Variants in ZMAT4 observed in about 807,000 individuals in gnomAD.
ZMAT4 encodes zinc finger matrin-type protein 4.
In ZMAT4, 17 loss-of-function variants were observed where a neutral mutation model predicts 28.7. The ratio of observed to expected loss-of-function variants is 0.59; its 90% CI spans 0.41 to 0.89. ZMAT4 has a LOEUF of 0.89. ZMAT4 is among the 40% of genes least tolerant of loss of function. The probability of loss-of-function intolerance (pLI) is 0.00; values close to 1 mark genes in which losing one functional copy is unlikely to be tolerated. For missense variants in ZMAT4, 240 were observed against 283.8 expected (o/e 0.85, Z 1.11); for synonymous variants, 117 against 109.2 (o/e 1.07, Z -0.44).
chr8:40,820,189 C>T (rs1586109954), intron 2 of ZMAT4, among the ~76,000 whole-genome samples: 3 of 133,788 alleles, frequency 2.2e-5, no homozygotes, highest in Non-Finnish European at 4.9e-5. Context: ...TGTGTGTGGG[C>T]GGGTGTGTAT....
At chr8:40,719,092 C>G (rs1484980936) in intron 3 of ZMAT4, among the ~76,000 whole-genome samples, 3 of 152,122 alleles carry the variant, frequency 2.0e-5, no homozygotes, top group African/African-American at 7.2e-5. Flanking sequence ...TGCATTACCC[C>G]AAACTGATGT....
intron 3 of ZMAT4, among the ~76,000 whole-genome samples, chr8:40,718,637 C>T (rs1481030015): frequency 6.6e-6 from 1 of 152,144 alleles, no homozygotes; most frequent in Non-Finnish European, 1.5e-5. Context: ...GCACAATTAC[C>T]TGCTCACCCA....
intron 3 of ZMAT4, among the ~76,000 whole-genome samples, chr8:40,726,522 G>C (rs1303904332): frequency 6.6e-6 from 1 of 152,164 alleles, no homozygotes; most frequent in Non-Finnish European, 1.5e-5. Context: ...AGGGAAAGTG[G>C]AGCCAGGTAA....
chr8:40,546,079 C>G (rs1421680724), intron 6 of ZMAT4, among the ~76,000 whole-genome samples: 1 of 151,930 alleles, frequency 6.6e-6, no homozygotes, highest in Non-Finnish European at 1.5e-5. Context: ...CTCTCCTTCA[C>G]ACAGCCCACA....
intron 1 of ZMAT4, among the ~76,000 whole-genome samples, chr8:40,895,199 G>A (rs757377266): frequency 5.3e-5 from 8 of 152,298 alleles, no homozygotes; most frequent in South Asian, 2.1e-4. Context: ...AGGAGAAAAC[G>A]CTGGGTCTGT....
intron 2 of ZMAT4, among the ~76,000 whole-genome samples, chr8:40,813,763 A>G (rs937425862): frequency 1.3e-5 from 2 of 152,232 alleles, no homozygotes; most frequent in Non-Finnish European, 2.9e-5. Flanking sequence ...AAAAACATCA[A>G]TGGGAAGGAT....
chr8:40,759,281 CAAAAAAAA>C (rs55670597), intron 3 of ZMAT4, among the ~76,000 whole-genome samples: 2 of 101,286 alleles, frequency 2.0e-5, no homozygotes, highest in Non-Finnish European at 4.1e-5. Context: ...GACTCCATCT[CAAAAAAAA>C]AAAAAAAAAA....
intron 2 of ZMAT4, among the ~76,000 whole-genome samples, chr8:40,790,880 G>T (rs969546732): frequency 1.3e-5 from 2 of 152,146 alleles, no homozygotes; most frequent in Non-Finnish European, 2.9e-5. Flanking sequence ...CCTGCTTCAA[G>T]ATTATCAAAA....
intron 1 of ZMAT4, among the ~76,000 whole-genome samples, chr8:40,850,339 C>T (rs977915371): frequency 6.6e-6 from 1 of 152,148 alleles, no homozygotes. Context: ...GCCTTCCCCT[C>T]ATCGACTGTG....
chr8:40,652,435 AG>A (rs1202257336), intron 5 of ZMAT4, among the ~76,000 whole-genome samples: 2 of 86,182 alleles, frequency 2.3e-5, no homozygotes, highest in Non-Finnish European at 2.5e-5. Flanking sequence ...AGGAAACAAC[AG>A]GTGCTGGAGA....
At chr8:40,652,642 A>T in intron 5 of ZMAT4, among the ~76,000 whole-genome samples, 1 of 122,140 alleles carries the variant, frequency 8.2e-6, no homozygotes, top group Non-Finnish European at 1.7e-5. Context: ...ACGTATGTTT[A>T]TAGCGGCATT....
chr8:40,684,598 G>A (rs527275900), intron 4 of ZMAT4, among the ~76,000 whole-genome samples: 3 of 152,338 alleles, frequency 2.0e-5, no homozygotes, highest in South Asian at 2.1e-4. Flanking sequence ...CAGGGTTGGG[G>A]AATGATTTAC....
intron 5 of ZMAT4, among the ~76,000 whole-genome samples, chr8:40,657,184 A>C (rs2118841386): frequency 6.6e-6 from 1 of 152,264 alleles, no homozygotes; most frequent in South Asian, 2.1e-4. Context: ...CAGTTTCTTA[A>C]AGGAGTCATA....
chr8:40,624,737 C>A (rs1336609778), intron 5 of ZMAT4, among the ~76,000 whole-genome samples: 1 of 152,176 alleles, frequency 6.6e-6, no homozygotes, highest in Admixed American at 6.5e-5. Flanking sequence ...CAATATTCTA[C>A]ACAGTTGCTG....
At chr8:40,851,572 C>G (rs906809234) in intron 1 of ZMAT4, among the ~76,000 whole-genome samples, 1 of 152,148 alleles carries the variant, frequency 6.6e-6, no homozygotes, top group Non-Finnish European at 1.5e-5. Flanking sequence ...ACTCTTTGAA[C>G]TATGCTTGCA....
At chr8:40,889,578 C>G (rs138342281) in intron 1 of ZMAT4, among the ~76,000 whole-genome samples, 209 of 152,286 alleles carry the variant, frequency 1.4e-3, no homozygotes, top group African/African-American at 4.8e-3. Context: ...ATATAATATT[C>G]TGCTCTAGTT....
chr8:40,553,170 C>G (rs1374675508), intron 6 of ZMAT4, among the ~76,000 whole-genome samples: 1 of 152,150 alleles, frequency 6.6e-6, no homozygotes, highest in Non-Finnish European at 1.5e-5. Context: ...AGCCATGGAA[C>G]AGAGGCCTCC....
intron 2 of ZMAT4, among the ~76,000 whole-genome samples, chr8:40,769,391 T>C (rs183625288): frequency 4.6e-5 from 7 of 152,300 alleles, no homozygotes; most frequent in African/African-American, 1.7e-4. Flanking sequence ...CAGGCTTATA[T>C]TTTTCTCTTT....
chr8:40,723,991 C>T (rs568616317), intron 3 of ZMAT4, among the ~76,000 whole-genome samples: 83 of 152,320 alleles, frequency 5.4e-4, no homozygotes, highest in African/African-American at 1.9e-3. Context: ...CACATCCCTT[C>T]ACTTGCTCCC....
Sources: gnomAD v4.1 joint callset for allele counts (sites outside exome capture counted in the v4.1 genomes callset) on GRCh38, gnomAD v4.1.1 for gene constraint, MANE v1.5 for transcripts, NCBI Gene and HGNC (gene_info 2026-07-23, HGNC 2026-07-21) for gene names.